Variants in DTWD2 observed in about 807,000 individuals in gnomAD.
DTWD2 encodes DTW motif tRNA-uridine aminocarboxypropyltransferase 2.
In DTWD2, 39 loss-of-function variants were observed where a neutral mutation model predicts 31.8. That is an observed-to-expected ratio of 1.22 (90% CI 0.95 to 1.60). The LOEUF (loss-of-function observed/expected upper bound fraction) is 1.60. Among genes scored for constraint, DTWD2 ranks in the 40% most tolerant of loss-of-function variants. The pLI, the probability that DTWD2 is intolerant of heterozygous loss-of-function variation, is 0.00. For missense variants in DTWD2, 515 were observed against 381.5 expected (o/e 1.35, Z -2.92); for synonymous variants, 180 against 142.8 (o/e 1.26, Z -1.86).
chr5:118,959,032 C>A (rs1015946311), intron 1 of DTWD2, among the ~76,000 whole-genome samples: 1 of 152,184 alleles, frequency 6.6e-6, no homozygotes, highest in African/African-American at 2.4e-5. Flanking sequence ...CCCTTGAGAA[C>A]TGGAACATGA....
At chr5:118,957,123 A>G (rs1392641470) in intron 1 of DTWD2, among the ~76,000 whole-genome samples, 2 of 152,178 alleles carry the variant, frequency 1.3e-5, no homozygotes, top group Non-Finnish European at 2.9e-5. Context: ...ACAAATAACA[A>G]TAATATTCCC....
chr5:118,940,510 G>C (rs984952291), intron 2 of DTWD2, among the ~76,000 whole-genome samples: 1 of 152,140 alleles, frequency 6.6e-6, no homozygotes, highest in Non-Finnish European at 1.5e-5. Flanking sequence ...TCTTCTGGTA[G>C]TTATCTCCAT....
chr5:118,894,552 T>C (rs1450080809), intron 4 of DTWD2, among the ~76,000 whole-genome samples: 39 of 152,084 alleles, frequency 2.6e-4, no homozygotes, highest in Admixed American at 2.5e-3. Flanking sequence ...TACTCACACA[T>C]ACTTGTTCAA....
intron 4 of DTWD2, among the ~76,000 whole-genome samples, chr5:118,916,341 A>T (rs754934670): frequency 2.0e-5 from 3 of 152,086 alleles, no homozygotes; most frequent in Non-Finnish European, 4.4e-5. Context: ...GAGATCCCAT[A>T]CTCTGATTTA....
intron 4 of DTWD2, among the ~76,000 whole-genome samples, chr5:118,895,801 G>A (rs984394082): frequency 1.3e-5 from 2 of 152,000 alleles, no homozygotes; most frequent in Non-Finnish European, 2.9e-5. Flanking sequence ...TGGGAAAACT[G>A]GATATCCACA....
intron 1 of DTWD2, among the ~76,000 whole-genome samples, chr5:118,947,182 G>GC (rs1401880641): frequency 6.6e-6 from 1 of 152,098 alleles, no homozygotes. Flanking sequence ...ACTCCATGGG[G>GC]CCCCCCGGCA....
chr5:118,899,863 A>G lies in DTWD2; in HGVS notation c.597+28674T>C, dbSNP rs751694786. ...GTTGCCCGGGCTGGAGTACAGTGGCACGATCTCGGCTCACTGCAACCTCCG... is the reference window on the plus strand; with the variant it reads ...GTTGCCCGGGCTGGAGTACAGTGGCGCGATCTCGGCTCACTGCAACCTCCG... On this transcript the variant is annotated intron_variant, in intron 4 of 5. Coordinates refer to ENST00000510708, the MANE Select transcript of DTWD2 (RefSeq NM_173666.4). 3.6e-5 allele frequency among the ~76,000 whole-genome samples: 5 copies of G among 139,474 alleles called. No individual in the cohort carries two copies. In the East Asian group the frequency reaches 1.0e-3, roughly 29 times the overall value. The allele number at this position is 139,474 out of a possible 152,430, so 91.5% of individuals were successfully genotyped here. A position where few individuals can be genotyped will look rare whatever the true frequency, so the allele number is the denominator to read the frequency against.
At chr5:118,886,506 T>C (rs548006507) in intron 4 of DTWD2, among the ~76,000 whole-genome samples, 2 of 152,086 alleles carry the variant, frequency 1.3e-5, no homozygotes, top group African/African-American at 4.8e-5. Context: ...ATGGGACAAA[T>C]ATAAGTTAAT....
At chr5:118,965,563 T>C (rs1031695490) in intron 1 of DTWD2, among the ~76,000 whole-genome samples, 7 of 152,210 alleles carry the variant, frequency 4.6e-5, no homozygotes, top group African/African-American at 1.4e-4. Flanking sequence ...GGAGACTCCA[T>C]TTTGTTCTGT....
chr5:118,952,568 T>G (rs1391726375), intron 1 of DTWD2, among the ~76,000 whole-genome samples: 1 of 152,116 alleles, frequency 6.6e-6, no homozygotes. Context: ...AATTGGCCAT[T>G]TTCACTTCTT....
chr5:118,843,558 T>C (rs990164341), intron 5 of DTWD2, among the ~76,000 whole-genome samples: 5 of 152,206 alleles, frequency 3.3e-5, no homozygotes, highest in African/African-American at 1.2e-4. Flanking sequence ...GTGGACTGTA[T>C]TCTGAAACAC....
chr5:118,851,839 TAA>T (rs200893015), intron 4 of DTWD2, among the ~76,000 whole-genome samples: 10,113 of 124,414 alleles, frequency 0.081, 616 homozygotes, highest in African/African-American at 0.18. Flanking sequence ...TAAAGTATAA[TAA>T]AAAAAAAAAA....
intron 1 of DTWD2, among the ~76,000 whole-genome samples, chr5:118,954,370 T>C (rs1479921948): frequency 6.6e-6 from 1 of 152,196 alleles, no homozygotes; most frequent in East Asian, 1.9e-4. Flanking sequence ...ATTTTACTAC[T>C]ATTTGACATT....
intron 4 of DTWD2, among the ~76,000 whole-genome samples, chr5:118,900,248 G>A (rs1753175449): frequency 6.6e-6 from 1 of 152,150 alleles, no homozygotes; most frequent in African/African-American, 2.4e-5. Flanking sequence ...GTTGTTGACA[G>A]GAACTGGGGT....
chr5:118,921,216 T>C (rs1179924813), intron 4 of DTWD2, among the ~76,000 whole-genome samples: 3 of 152,106 alleles, frequency 2.0e-5, no homozygotes, highest in South Asian at 2.1e-4. Context: ...GGTGTGGATA[T>C]ATTCTGCCAA....
intron 3 of DTWD2, among the ~76,000 whole-genome samples, chr5:118,931,161 G>A (rs1295823668): frequency 6.6e-6 from 1 of 151,990 alleles, no homozygotes; most frequent in African/African-American, 2.4e-5. Context: ...GGGAGTCCAA[G>A]GCAGGAGCAC....
chr5:118,934,764 C>T (rs538813407), intron 3 of DTWD2, among the ~76,000 whole-genome samples: 1 of 152,102 alleles, frequency 6.6e-6, no homozygotes, highest in African/African-American at 2.4e-5. Context: ...AAATAAACTC[C>T]CCAATTAAAC....
chr5:118,930,623 A>G (rs1753902373), intron 3 of DTWD2, among the ~76,000 whole-genome samples: 1 of 152,226 alleles, frequency 6.6e-6, no homozygotes, highest in South Asian at 2.1e-4. Context: ...GAAACTACTT[A>G]CCACAGCTTT....
At chr5:118,893,770 G>A (rs1032354822) in intron 4 of DTWD2, among the ~76,000 whole-genome samples, 15 of 152,048 alleles carry the variant, frequency 9.9e-5, no homozygotes, top group Admixed American at 7.2e-4. Flanking sequence ...TGAATGGAGA[G>A]GACCACAAGC....
Sources: gnomAD v4.1 joint callset for allele counts (sites outside exome capture counted in the v4.1 genomes callset) on GRCh38, gnomAD v4.1.1 for gene constraint, MANE v1.5 for transcripts, NCBI Gene and HGNC (gene_info 2026-07-23, HGNC 2026-07-21) for gene names.